REELD1: variants seen among roughly 807,000 people sequenced by gnomAD.
The protein encoded by REELD1 is reeler domain containing 1, also known as reelin domain-containing protein 1.
Under a neutral mutation model 6.3 loss-of-function variants are expected in REELD1, and 12 were observed. That is an observed-to-expected ratio of 1.89 (90% confidence interval 1.21 to 3.07). The LOEUF (loss-of-function observed/expected upper bound fraction) is 3.07, where lower values mean the gene tolerates loss of function less well. REELD1 is among the 30% of genes most tolerant of loss of function. The probability of loss-of-function intolerance (pLI) is 0.00; values close to 1 mark genes in which losing one functional copy is unlikely to be tolerated. For synonymous variants in REELD1, 57 were observed against 33.6 expected (o/e 1.70, Z -2.42); for missense variants, 163 against 86.8 (o/e 1.88, Z -3.49).
chr4:146,225,677 G>A (rs79907439), intron 5 of REELD1, among the ~76,000 whole-genome samples: 4,744 of 152,246 alleles, frequency 0.031, 229 homozygotes, highest in African/African-American at 0.11. Context: ...AATGATGCAA[G>A]TATCATGTTT....
chr4:146,228,944 A>G (rs1731077305), intron 6 of REELD1, 81 bp from the exon 7 acceptor site: 11 of 698,534 alleles, frequency 1.6e-5, no homozygotes, highest in South Asian at 1.4e-4. Context: ...TGCCATCTGC[A>G]TACACAACTG....
Position 146,222,446 on chromosome 4 carries a change from A to C in REELD1, c.298A>C (p.Ile100Leu). Residue 100 changes from isoleucine to leucine, a missense_variant, in exon 4 of 8, where the codon ATT (isoleucine) becomes CTT (leucine). Transcript: ENST00000623665. The part of the protein sequence containing the change: ...DHQIAGTFVL[I>L]PPHSKLMTCF... ...TCAAATCGCTGGCACTTTCGTTCTCATTCCTCCTCATTCCAAACTGATGAC... is the reference window on the plus strand; with the variant it reads ...TCAAATCGCTGGCACTTTCGTTCTCCTTCCTCCTCATTCCAAACTGATGAC... The C allele has an allele frequency of 7.5e-6, 3 of 398,528 alleles. No individual in the cohort carries two copies. Among genetic ancestry groups the C allele is most frequent in the Non-Finnish European group, 1.3e-5 (3 of 226,062 alleles). 24.7% of individuals were successfully genotyped at this position (398,528 alleles called of 1,614,324 possible).
chr4:146,227,014 C>A (rs1731035482), intron 5 of REELD1, among the ~76,000 whole-genome samples: 1 of 152,240 alleles, frequency 6.6e-6, no homozygotes, highest in Non-Finnish European at 1.5e-5. Flanking sequence ...CTTAGGTGAT[C>A]TACTTGCCTT....
At chr4:146,227,217 C>A (rs959182238) in intron 5 of REELD1, among the ~76,000 whole-genome samples, 10 of 152,212 alleles carry the variant, frequency 6.6e-5, no homozygotes, top group African/African-American at 2.4e-4. Flanking sequence ...TATCCAAATG[C>A]TCTTAGAGTT....
chr4:146,228,662 A>G (rs1347520964), intron 6 of REELD1, 140 bp downstream of exon 6: 3 of 593,216 alleles, frequency 5.1e-6, no homozygotes, highest in East Asian at 2.8e-5. Context: ...TAGCAGGGCT[A>G]CTTGTCAGAA....
rs79035571 is a variant in REELD1, at chr4:146,227,059, G to T, written c.596-1151G>T. Among the ~76,000 whole-genome samples, 449 of 152,270 alleles carry T rather than the reference G, an allele frequency of 2.9e-3. 9 individuals carry two copies. Among genetic ancestry groups the T allele is most frequent in the Admixed American group, 0.02 (302 of 15,286 alleles). On this transcript the variant is annotated intron_variant, in intron 5 of 7. Transcript: ENST00000623665. ...AAGTGCTGGGATTACAGGCGCGAGCGCCCGGCCTCTTTATTAATTTAGGTA... is the reference window on the plus strand; with the variant it reads ...AAGTGCTGGGATTACAGGCGCGAGCTCCCGGCCTCTTTATTAATTTAGGTA...
chr4:146,227,090 A>T (rs1329128934), intron 5 of REELD1, among the ~76,000 whole-genome samples: 8 of 152,214 alleles, frequency 5.3e-5, no homozygotes, highest in Non-Finnish European at 1.5e-5. Context: ...AGGTAGTTTG[A>T]CATGTAAGGG....
intron 4 of REELD1, among the ~76,000 whole-genome samples, chr4:146,223,075 A>G (rs186463987): frequency 0.02 from 2,977 of 152,310 alleles, 97 homozygotes; most frequent in African/African-American, 0.066. Context: ...CGCTCAGAAG[A>G]GTTCCTGGCA....
At chr4:146,221,603 G>A (rs1156376799) in intron 3 of REELD1, among the ~76,000 whole-genome samples, 1 of 152,220 alleles carries the variant, frequency 6.6e-6, no homozygotes, top group Non-Finnish European at 1.5e-5. Flanking sequence ...GCTCACGCCT[G>A]TAATACCAGC....
At chr4:146,221,551 A>G (rs987616421) in intron 3 of REELD1, among the ~76,000 whole-genome samples, 21 of 152,244 alleles carry the variant, frequency 1.4e-4, no homozygotes, top group African/African-American at 4.8e-4. Flanking sequence ...TATCTCATGT[A>G]TAATTGCTTT....
At chr4:146,225,287 T>C (rs1731001066) in intron 5 of REELD1, among the ~76,000 whole-genome samples, 2 of 152,322 alleles carry the variant, frequency 1.3e-5, no homozygotes, top group Middle Eastern at 3.4e-3. Flanking sequence ...TGTTGTTTAT[T>C]TCTAGTTAAG....
intron 3 of REELD1, among the ~76,000 whole-genome samples, chr4:146,220,208 A>G (rs1730898858): frequency 6.6e-6 from 1 of 152,220 alleles, no homozygotes; most frequent in African/African-American, 2.4e-5. Flanking sequence ...TCAGCCTCCC[A>G]AAGTGCTGGG....
At chr4:146,227,806 T>C (rs1250152683) in intron 5 of REELD1, among the ~76,000 whole-genome samples, 1 of 152,234 alleles carries the variant, frequency 6.6e-6, no homozygotes, top group East Asian at 1.9e-4. Flanking sequence ...GAAAGAAACT[T>C]TGAGTGTTAA....
rs1731101057 is a variant in REELD1 at position 146,230,102 on chromosome 4, C to T, written c.1170C>T (p.Ala390=). ...GTGACCAGTCAGAGGCATCCAGGGC[C>T]TCTGCCAGCTTCTTACCTCAGTCAA... The part of the protein sequence containing the change: ...AAGDQSEASR[A]SASFLPQSKH... The change falls in exon 8 of 8, where the codon GCC becomes GCT. Residue 390 remains alanine, a synonymous_variant. Transcript: ENST00000623665. 1 of 398,890 alleles carries T rather than the reference C, an allele frequency of 2.5e-6. No homozygotes were observed. Among genetic ancestry groups the T allele is most frequent in the Non-Finnish European group, 4.4e-6 (1 of 226,274 alleles). The allele number at this position is 398,890 out of a possible 1,614,324, so 24.7% of individuals were successfully genotyped here.
intron 3 of REELD1, among the ~76,000 whole-genome samples, chr4:146,221,425 T>G (rs1730920532): frequency 6.6e-6 from 1 of 152,252 alleles, no homozygotes; most frequent in Non-Finnish European, 1.5e-5. Context: ...CACAAAAAGT[T>G]GGATGGTTTA....
intron 4 of REELD1, 101 bp downstream of exon 4, chr4:146,222,680 A>T (rs1730945278): frequency 2.5e-6 from 1 of 397,266 alleles, no homozygotes; most frequent in Non-Finnish European, 4.4e-6. Context: ...CCCCCTCCTT[A>T]TGTGGCCACC....
intron 7 of REELD1, 107 bp downstream of exon 7, chr4:146,229,195 G>A: frequency 1.5e-6 from 1 of 646,768 alleles, no homozygotes; most frequent in Admixed American, 2.4e-5. Context: ...CAAAGTTAGA[G>A]AGAAGAAGGC....
rs1731128572 is a variant in REELD1 at position 146,231,379 on chromosome 4, T to G, written c.*866T>G. ...TGAAGAACAGTCTTTACTTGTCTTTTCAGGGAATATCAGGAAGAAAGCTTC... is the reference window on the plus strand; with the variant it reads ...TGAAGAACAGTCTTTACTTGTCTTTGCAGGGAATATCAGGAAGAAAGCTTC... On this transcript the variant is annotated 3_prime_UTR_variant, in exon 8 of 8. Transcript: ENST00000623665. Among the ~76,000 whole-genome samples, 1 of 152,224 alleles carries G rather than the reference T, an allele frequency of 6.6e-6. No homozygotes were observed. Among genetic ancestry groups the G allele is most frequent in the Non-Finnish European group, 1.5e-5 (1 of 68,036 alleles).
rs1451454563 is a variant in REELD1 at position 146,228,522 on chromosome 4, G to A, written c.908G>A (p.Arg303Lys). 4 of 700,694 alleles carry A rather than the reference G, an allele frequency of 5.7e-6. No individual in the cohort carries two copies. In the Admixed American group the frequency reaches 8.0e-5, roughly 14 times the overall value. The allele number at this position is 700,694 out of a possible 1,614,324, so 43.4% of individuals were successfully genotyped here. The change falls in exon 6 of 8, where the codon AGA (arginine) becomes AAA (lysine). Residue 303 changes from arginine (R) to lysine (K), a missense_variant and splice_region_variant. Arg to Lys is a conservative substitution (Grantham distance 26). Coordinates refer to ENST00000623665, the MANE Select transcript of REELD1 (RefSeq NM_001354631.1). ...SFASSLSTHHRTQDDPSFDSL... is the reference protein window; with the variant it reads ...SFASSLSTHHKTQDDPSFDSL... Reference sequence around the variant, plus strand: ...GCTTCCAGCCTTAGCACCCATCACAGGTAAGGGTGATGGGTGGGCCATTCA... The same window carrying A: ...GCTTCCAGCCTTAGCACCCATCACAAGTAAGGGTGATGGGTGGGCCATTCA...
Sources: allele counts gnomAD v4.1 joint callset (sites outside exome capture counted in the v4.1 genomes callset), GRCh38; gene constraint gnomAD v4.1.1; transcripts MANE v1.5; gene names NCBI Gene and HGNC (gene_info 2026-07-23, HGNC 2026-07-21).